The following KHDRBS1 variants were observed in gnomAD, a reference collection of about 807,000 sequenced individuals.
KHDRBS1 encodes KH RNA binding domain containing, signal transduction associated 1, also known as KH domain-containing, RNA-binding, signal transduction-associated protein 1.
A neutral mutation model predicts 48.4 loss-of-function variants in KHDRBS1; 7 were observed. The ratio of observed to expected loss-of-function variants is 0.14; its 90% CI spans 0.08 to 0.27. The LOEUF is 0.27. Among genes scored for constraint, KHDRBS1 ranks in the 10% least tolerant of loss-of-function variants. KHDRBS1 has a pLI of 1.00. For synonymous variants in KHDRBS1, 241 were observed against 235.8 expected (o/e 1.02, Z -0.20); for missense variants, 458 against 601.2 (o/e 0.76, Z 2.49).
At chr1:32,049,350 C>T (rs116795414) in intron 10 of KHDRBS1, among the ~76,000 whole-genome samples, 3,930 of 152,122 alleles carry the variant, frequency 0.026, 69 homozygotes, top group Middle Eastern at 0.051. Context: ...CCATCACGCT[C>T]AGCTGACTGG....
At chr1:32,032,596 C>T (rs1639101709) in intron 3 of KHDRBS1, among the ~76,000 whole-genome samples, 1 of 152,172 alleles carries the variant, frequency 6.6e-6, no homozygotes, top group African/African-American at 2.4e-5. Context: ...TTAGTAGGAG[C>T]TCCAATGGAT....
chr1:32,059,423 T>C (rs750010799), intron 10 of KHDRBS1, among the ~76,000 whole-genome samples: 1 of 151,812 alleles, frequency 6.6e-6, no homozygotes, highest in Non-Finnish European at 1.5e-5. Context: ...TGTGTGTCTG[T>C]GATCGTATAT....
At chr1:32,026,809 TG>T (rs1337632920) in intron 1 of KHDRBS1, among the ~76,000 whole-genome samples, 19 of 152,308 alleles carry the variant, frequency 1.2e-4, no homozygotes, top group Admixed American at 6.5e-4. Flanking sequence ...TCTTTTTTGT[TG>T]TTGTGATGGA....
chr1:32,036,983 G>T lies in KHDRBS1; in HGVS notation c.845G>T (p.Arg282Leu), dbSNP rs748574978. 2.5e-6 allele frequency: 4 copies of T among 1,614,076 alleles called. No individual in the cohort carries two copies. The highest frequency in any genetic ancestry group is 3.4e-6 in the Non-Finnish European group (4 of 1,179,994). Residue 282 changes from arginine to leucine, a missense_variant, in exon 5 of 9, where the codon CGT becomes CTT. Coordinates refer to ENST00000327300, the MANE Select transcript of KHDRBS1 (RefSeq NM_006559.3). ...SYLNGVPEPSRGRGVPVRGRG... is the reference protein window; with the variant it reads ...SYLNGVPEPSLGRGVPVRGRG... Reference sequence around the variant, plus strand: ...TTGAATGGAGTACCTGAACCCTCTCGTGGACGTGGGGTGCCAGTGAGAGGC... The same window carrying T: ...TTGAATGGAGTACCTGAACCCTCTCTTGGACGTGGGGTGCCAGTGAGAGGC...
intron 3 of KHDRBS1, 111 bp downstream of exon 3, chr1:32,031,751 G>A: frequency 1.6e-6 from 1 of 623,642 alleles, no homozygotes; most frequent in Non-Finnish European, 2.8e-6. Context: ...TACAGAATGT[G>A]GCTCCTTTAA....
chr1:32,025,133 G>C lies in KHDRBS1; in HGVS notation c.383-5165G>C, dbSNP rs1044274219. On this transcript the variant is annotated intron_variant, in intron 1 of 8. Coordinates refer to ENST00000327300, the MANE Select transcript of KHDRBS1 (RefSeq NM_006559.3). ...TAAAAAAAATTAGCCAGGCATGGTG[G>C]CACGCGCCTATGGTTGCACCTACTG... 2.6e-5 allele frequency among the ~76,000 whole-genome samples: 4 copies of C among 151,864 alleles called. No individual in the cohort carries two copies. The South Asian group carries it at 8.3e-4, about 32-fold the overall frequency.
Position 32,043,518 on chromosome 1 carries a change from G to A in KHDRBS1, c.*894G>A, listed in dbSNP as rs955242850. On this transcript the variant is annotated 3_prime_UTR_variant, in exon 9 of 9. Coordinates refer to ENST00000327300, the MANE Select transcript of KHDRBS1 (RefSeq NM_006559.3). ...TAATTAAATTTTCAGTATTTAAAAA[G>A]ACAAAGTATTTTGTCCATTTGAGAT... is the stretch of plus-strand genomic sequence containing the variant. The A allele has an allele frequency of 6.6e-6, 1 of 152,596 alleles. No individual in the cohort carries two copies. Among genetic ancestry groups the A allele is most frequent in the Non-Finnish European group, 1.5e-5 (1 of 68,018 alleles). 9.5% of individuals were successfully genotyped at this position (152,596 alleles called of 1,614,324 possible).
At chr1:32,019,713 G>A (rs1012863792) in intron 1 of KHDRBS1, among the ~76,000 whole-genome samples, 2 of 152,166 alleles carry the variant, frequency 1.3e-5, no homozygotes, top group African/African-American at 4.8e-5. Flanking sequence ...AGCCTAGTAA[G>A]ATAAAGCAGA....
chr1:32,024,389 C>T (rs1209915949), intron 1 of KHDRBS1, among the ~76,000 whole-genome samples: 1 of 152,108 alleles, frequency 6.6e-6, no homozygotes. Flanking sequence ...TGGCTCACCA[C>T]AGCCTCCAAC....
In KHDRBS1 at chr1:32,014,082, G is replaced by C. The variant is rs1638683153; in HGVS notation, c.87G>C (p.Ser29=). 2.0e-6 allele frequency: 3 copies of C among 1,473,378 alleles called. No homozygotes were observed. Among genetic ancestry groups the C allele is most frequent in the Admixed American group, 4.8e-5 (2 of 41,828 alleles). The allele number at this position is 1,473,378 out of a possible 1,614,324, so 91.3% of individuals were successfully genotyped here. The change falls in exon 1 of 9, where the codon TCG becomes TCC. Residue 29 remains serine, a synonymous_variant. Coordinates refer to ENST00000327300, the MANE Select transcript of KHDRBS1 (RefSeq NM_006559.3). The stretch of plus-strand genomic sequence containing the variant: ...TGGACCCCTCCGGTGCCCACCCCTC[G>C]GTGCGTCAGACGCCGTCTCGGCAGC... ...GSMDPSGAHP[S]VRQTPSRQPP...
At position 32,013,936 on chromosome 1, in the gene KHDRBS1, G is replaced by C; in HGVS notation, c.-60G>C. 1 of 1,357,964 alleles carries C rather than the reference G, an allele frequency of 7.4e-7. No individual in the cohort carries two copies. 84.1% of individuals were successfully genotyped at this position (1,357,964 alleles called of 1,614,324 possible). A position where few individuals can be genotyped will look rare whatever the true frequency, so the allele number is the denominator to read the frequency against. ...CGCTCTGCCACCCCCGCCAACCGCCGCTCGGGCCTCCGTCGCTGCCGCGTC... is the reference window on the plus strand; with the variant it reads ...CGCTCTGCCACCCCCGCCAACCGCCCCTCGGGCCTCCGTCGCTGCCGCGTC... On this transcript the variant is annotated 5_prime_UTR_variant, in exon 1 of 9. Coordinates refer to ENST00000327300, the MANE Select transcript of KHDRBS1 (RefSeq NM_006559.3).
rs549587128 is a variant in KHDRBS1 at position 32,016,755 on chromosome 1, C to T, written c.382+2378C>T. ...TATTTTTCACTATCAGCATCTGTTG[C>T]ACTATATTGTCGTTATGTACAGTAT... On this transcript the variant is annotated intron_variant, in intron 1 of 8. Transcript: ENST00000327300. Among the ~76,000 whole-genome samples, 11 of 152,218 alleles carry T rather than the reference C, an allele frequency of 7.2e-5. No individual in the cohort carries two copies. In the South Asian group the frequency reaches 1.9e-3, roughly 26 times the overall value.
intron 1 of KHDRBS1, among the ~76,000 whole-genome samples, chr1:32,026,285 A>C (rs1267911558): frequency 6.6e-6 from 1 of 151,958 alleles, no homozygotes; most frequent in Non-Finnish European, 1.5e-5. Flanking sequence ...CAGCCTCCCA[A>C]ATAGCTGGGA....
intron 10 of KHDRBS1, among the ~76,000 whole-genome samples, chr1:32,058,174 A>G (rs545659455): frequency 2.0e-5 from 3 of 150,278 alleles, no homozygotes; most frequent in Non-Finnish European, 4.4e-5. Context: ...TGCAGCTTCT[A>G]CCTCCTGGGC....
intron 1 of KHDRBS1, among the ~76,000 whole-genome samples, chr1:32,025,264 C>CA (rs780420929): frequency 0.027 from 1,517 of 56,208 alleles, 21 homozygotes; most frequent in African/African-American, 0.039. Context: ...GACCCTATCT[C>CA]AAAAAAAAAA....
At chr1:32,033,475 G>A (rs1205898450) in intron 4 of KHDRBS1, 141 bp downstream of exon 4, 5 of 1,139,480 alleles carry the variant, frequency 4.4e-6, no homozygotes, top group East Asian at 2.5e-5. Context: ...TTTTCCTTAG[G>A]TAGTTCGTTA....
At chr1:32,020,925 C>T (rs1009968126) in intron 1 of KHDRBS1, among the ~76,000 whole-genome samples, 1 of 152,004 alleles carries the variant, frequency 6.6e-6, no homozygotes, top group Admixed American at 6.6e-5. Flanking sequence ...CAAACAAGTA[C>T]ATGTAAAGGT....
intron 1 of KHDRBS1, among the ~76,000 whole-genome samples, chr1:32,021,024 G>A (rs953382119): frequency 9.9e-5 from 15 of 152,114 alleles, no homozygotes; most frequent in African/African-American, 3.6e-4. Flanking sequence ...TTTTCTGATT[G>A]TGATACAGAT....
rs527879578 is a variant in KHDRBS1, at chr1:32,059,177, A to G, written n.1302-986A>G. Among the ~76,000 whole-genome samples the G allele has an allele frequency of 7.9e-4, 120 of 151,524 alleles. 2 individuals carry two copies. Among genetic ancestry groups the G allele is most frequent in the Admixed American group, 2.0e-3 (30 of 15,196 alleles). Reference sequence around the variant, plus strand: ...CTCTGTCTCAGGAGAAAAAAAAAAAAAAAAAAACAAAACCTTTTAGGCGAT... The same window carrying G: ...CTCTGTCTCAGGAGAAAAAAAAAAAGAAAAAAACAAAACCTTTTAGGCGAT... On this transcript the variant is annotated intron_variant and non_coding_transcript_variant, in intron 10 of 10. Coordinates refer to the KHDRBS1 transcript ENST00000484270.
Sources: gnomAD v4.1 joint callset for allele counts (sites outside exome capture counted in the v4.1 genomes callset) on GRCh38, gnomAD v4.1.1 for gene constraint, MANE v1.5 for transcripts, NCBI Gene and HGNC (gene_info 2026-07-23, HGNC 2026-07-21) for gene names.